The following ATP10B variants were observed in gnomAD, a reference collection of about 807,000 sequenced individuals.
The protein encoded by ATP10B is phospholipid-transporting ATPase VB.
In ATP10B, 122 loss-of-function variants were observed where a neutral mutation model predicts 141.2. That is an observed-to-expected ratio of 0.86 (90% CI 0.75 to 1.00). The LOEUF (loss-of-function observed/expected upper bound fraction) is 1.00. Among genes scored for constraint, ATP10B ranks in the 50% least tolerant of loss-of-function variants. ATP10B has a pLI of 0.00. For missense variants in ATP10B, 1,876 were observed against 1,825.3 expected, an observed-to-expected ratio of 1.03 and a Z score of -0.51; for synonymous variants, 685 against 692.0, an observed-to-expected ratio of 0.99 and a Z score of 0.16.
chr5:160,796,462 T>G (rs1215772923), intron 1 of ATP10B, among the ~76,000 whole-genome samples: 1 of 152,242 alleles, frequency 6.6e-6, no homozygotes, highest in African/African-American at 2.4e-5. Context: ...CTAAGCACTT[T>G]CTTTGTATTC....
At position 160,602,828 on chromosome 5, in the gene ATP10B, G is replaced by T. The variant is rs11738828; in HGVS notation, c.3238-126C>A. 7.6e-3 allele frequency: 10,055 copies of T among 1,330,990 alleles called. 73 individuals are homozygous for T. The highest frequency in any genetic ancestry group is 8.3e-3 in the Non-Finnish European group (8,028 of 971,220). 82.4% of individuals were successfully genotyped at this position (1,330,990 alleles called of 1,614,324 possible). A position where few individuals can be genotyped will look rare whatever the true frequency, so the allele number is the denominator to read the frequency against. ...AGAGTCCTAAAGACCCCTTGTTGTG[G>T]TCACTCTTGGGTAGCTTTTTGGATT... On this transcript the variant is annotated intron_variant, in intron 20 of 25. Coordinates refer to ENST00000327245, the MANE Select transcript of ATP10B (RefSeq NM_025153.3).
chr5:160,702,883 C>A (rs1764758436), intron 3 of ATP10B, among the ~76,000 whole-genome samples: 1 of 152,184 alleles, frequency 6.6e-6, no homozygotes, highest in Non-Finnish European at 1.5e-5. Flanking sequence ...TATTATTTAT[C>A]TTTTAATAGT....
At chr5:160,588,888 T>C (rs1756089017) in intron 24 of ATP10B, among the ~76,000 whole-genome samples, 1 of 152,204 alleles carries the variant, frequency 6.6e-6, no homozygotes, top group Non-Finnish European at 1.5e-5. Context: ...GCTTGAGATA[T>C]GGTTACCTGG....
chr5:160,573,519 CAGG>C (rs1293378896), intron 24 of ATP10B, among the ~76,000 whole-genome samples: 2 of 152,182 alleles, frequency 1.3e-5, no homozygotes, highest in African/African-American at 4.8e-5. Flanking sequence ...GGCTGCACAG[CAGG>C]AGATGAGTGG....
intron 7 of ATP10B, among the ~76,000 whole-genome samples, chr5:160,652,958 TATACATGTATATATAATATATAC>T (rs1760975570): frequency 2.4e-5 from 2 of 84,842 alleles, no homozygotes; most frequent in South Asian, 3.3e-4. Context: ...ATATATTATA[TATACATGTATATATAATATATAC>T]ATACATATTT....
At chr5:160,603,553 C>CT (rs1311543451) in intron 20 of ATP10B, 1 of 195,322 alleles carries the variant, frequency 5.1e-6, no homozygotes, top group Non-Finnish European at 1.1e-5. Context: ...TACCCCTGGT[C>CT]TAACAGATTG....
intron 2 of ATP10B, among the ~76,000 whole-genome samples, chr5:160,755,824 AAAAAAAAAAAAAAAATATAT>A (rs1236871987): frequency 1.5e-5 from 1 of 66,162 alleles, no homozygotes; most frequent in Non-Finnish European, 2.8e-5. Context: ...CAAAAAAAAA[AAAAAAAAAAAAAAAATATAT>A]ATATATATAT....
chr5:160,642,443 T>C (rs1759939456), intron 9 of ATP10B, among the ~76,000 whole-genome samples: 1 of 152,122 alleles, frequency 6.6e-6, no homozygotes, highest in Non-Finnish European at 1.5e-5. Flanking sequence ...AAATGAGAAT[T>C]CTGGACCATT....
At chr5:160,722,384 G>A (rs1020831614) in intron 2 of ATP10B, among the ~76,000 whole-genome samples, 10 of 152,078 alleles carry the variant, frequency 6.6e-5, no homozygotes, top group African/African-American at 1.2e-4. Flanking sequence ...GTACTCATTC[G>A]TACTGTCATG....
At chr5:160,801,661 C>G (rs1772375080) in intron 1 of ATP10B, among the ~76,000 whole-genome samples, 2 of 152,088 alleles carry the variant, frequency 1.3e-5, no homozygotes. Flanking sequence ...AATCAGGTAT[C>G]CAGGTAAAGA....
rs1763864948 is a variant in ATP10B at position 160,687,963 on chromosome 5, G to C, written c.112C>G (p.Gln38Glu). The change falls in exon 5 of 26, where the codon CAG (glutamine) becomes GAG (glutamate). Residue 38 changes from glutamine (Q) to glutamate (E), a missense_variant. By Grantham distance (29) the Gln-to-Glu change is conservative (BLOSUM62 2). Coordinates refer to ENST00000327245, the MANE Select transcript of ATP10B (RefSeq NM_025153.3). ...TPLLSPEKGR[Q>E]SYNLTQQRVV... ...CGCTGCTGTGTCAAGTTGTAGCTCT[G>C]TCTCCCTTTCTCTGGAGAGAGCAGC... The C allele has an allele frequency of 6.2e-7, 1 of 1,614,118 alleles. No individual in the cohort carries two copies. The highest frequency in any genetic ancestry group is 8.5e-7 in the Non-Finnish European group (1 of 1,180,034).
intron 21 of ATP10B, among the ~76,000 whole-genome samples, chr5:160,602,050 CTTCT>C (rs1757126827): frequency 6.6e-6 from 1 of 152,170 alleles, no homozygotes; most frequent in Non-Finnish European, 1.5e-5. Flanking sequence ...TCTTCAAATC[CTTCT>C]TTGTTACAAT....
At chr5:160,628,727 C>A (rs145925185) in intron 13 of ATP10B, among the ~76,000 whole-genome samples, 1 of 152,204 alleles carries the variant, frequency 6.6e-6, no homozygotes, top group Non-Finnish European at 1.5e-5. Context: ...CTGCAAGTGG[C>A]ATTTTTACAC....
At chr5:160,909,183 A>G in the ATP10B span, among the ~76,000 whole-genome samples, 1 of 152,218 alleles carries the variant, frequency 6.6e-6, no homozygotes, top group Non-Finnish European at 1.5e-5. Context: ...ATGGCACTTC[A>G]GCCCAGACTA....
chr5:160,896,145 G>C, the ATP10B span, among the ~76,000 whole-genome samples: 1 of 151,560 alleles, frequency 6.6e-6, no homozygotes, highest in Non-Finnish European at 1.5e-5. Flanking sequence ...AACTAGAGAA[G>C]CAAGAGCAAA....
chr5:160,725,740 C>T (rs780813373), intron 2 of ATP10B, among the ~76,000 whole-genome samples: 4 of 152,162 alleles, frequency 2.6e-5, no homozygotes, highest in Non-Finnish European at 5.9e-5. Context: ...CCACCACGCC[C>T]GGCCTACTAT....
chr5:160,752,231 T>C (rs139652980), intron 2 of ATP10B, among the ~76,000 whole-genome samples: 2 of 151,408 alleles, frequency 1.3e-5, no homozygotes, highest in East Asian at 3.9e-4. Flanking sequence ...CTTCCATTTG[T>C]AGAATCTTTC....
chr5:160,720,159 C>T lies in ATP10B; in HGVS notation c.-330-3125G>A, dbSNP rs751556245. 7.0e-4 allele frequency among the ~76,000 whole-genome samples: 106 copies of T among 152,160 alleles called. 2 individuals carry two copies. The highest frequency in any genetic ancestry group is 1.8e-4 in the Non-Finnish European group (12 of 68,026). On this transcript the variant is annotated intron_variant, in intron 2 of 25. Coordinates refer to ENST00000327245, the MANE Select transcript of ATP10B (RefSeq NM_025153.3). ...AAATGTAGTGAATGTAATATAAGCC[C>T]TTATTTCCCCTTGGTGTGATGTTAT...
At chr5:160,584,243 CTG>C (rs1226228656) in intron 24 of ATP10B, among the ~76,000 whole-genome samples, 3 of 152,164 alleles carry the variant, frequency 2.0e-5, no homozygotes, top group Non-Finnish European at 4.4e-5. Flanking sequence ...CCAGAGTAGA[CTG>C]TTCCTCATGG....
Sources: gnomAD v4.1 joint callset for allele counts (sites outside exome capture counted in the v4.1 genomes callset) on GRCh38, gnomAD v4.1.1 for gene constraint, MANE v1.5 for transcripts, NCBI Gene and HGNC (gene_info 2026-07-23, HGNC 2026-07-21) for gene names.